CTNNA2: variants seen among roughly 807,000 people sequenced by gnomAD.
CTNNA2 encodes the protein catenin alpha 2.
In CTNNA2, 42 loss-of-function variants were observed where a neutral mutation model predicts 101.0. The ratio of observed to expected loss-of-function variants is 0.42; its 90% confidence interval spans 0.32 to 0.54. The LOEUF is 0.54. Ranked by LOEUF, CTNNA2 falls within the 20% of genes least tolerant of loss-of-function variation. The pLI, the probability that CTNNA2 is intolerant of heterozygous loss-of-function variation, is 0.14. For missense variants in CTNNA2, 871 were observed against 1,223.1 expected, an observed-to-expected ratio of 0.71 and a Z score of 4.29; for synonymous variants, 450 against 456.4, an observed-to-expected ratio of 0.99 and a Z score of 0.18.
chr2:79,443,057 T>C (rs914674320), intron 4 of CTNNA2, among the ~76,000 whole-genome samples: 1 of 152,168 alleles, frequency 6.6e-6, no homozygotes, highest in Non-Finnish European at 1.5e-5. Context: ...GGGAAGAATA[T>C]ATGTTCTATT....
intron 3 of CTNNA2, among the ~76,000 whole-genome samples, chr2:79,351,704 T>C (rs1677391977): frequency 2.0e-5 from 3 of 152,202 alleles, no homozygotes; most frequent in Admixed American, 2.0e-4. Flanking sequence ...TCTGTTTCTG[T>C]GTTAGTTCAC....
chr2:80,570,215 T>C (rs1221759100), intron 12 of CTNNA2, among the ~76,000 whole-genome samples: 1 of 151,998 alleles, frequency 6.6e-6, no homozygotes, highest in East Asian at 1.9e-4. Flanking sequence ...TGCCTGGCTA[T>C]GTTTTGTATT....
chr2:79,842,825 T>C (rs1679929989), intron 3 of CTNNA2, among the ~76,000 whole-genome samples: 1 of 152,158 alleles, frequency 6.6e-6, no homozygotes, highest in Non-Finnish European at 1.5e-5. Context: ...AAAAGACAGC[T>C]GTTATTGTAT....
intron 4 of CTNNA2, among the ~76,000 whole-genome samples, chr2:79,400,981 AACTAAG>A (rs1678284123): frequency 6.6e-6 from 1 of 151,956 alleles, no homozygotes; most frequent in Admixed American, 6.6e-5. Context: ...AAACACTATC[AACTAAG>A]ACTTCTGTGT....
intron 2 of CTNNA2, among the ~76,000 whole-genome samples, chr2:79,742,950 C>A (rs1199150673): frequency 6.6e-6 from 1 of 151,930 alleles, no homozygotes; most frequent in African/African-American, 2.4e-5. Context: ...TCCTTTTTTT[C>A]TTTCAGTGTT....
intron 7 of CTNNA2, among the ~76,000 whole-genome samples, chr2:80,172,377 A>G (rs1033389236): frequency 2.0e-5 from 3 of 152,102 alleles, no homozygotes; most frequent in Admixed American, 2.0e-4. Context: ...TGGCCAGACT[A>G]TGGGGTTTGT....
At chr2:79,250,101 G>A (rs187889171) in intron 2 of CTNNA2, among the ~76,000 whole-genome samples, 270 of 152,244 alleles carry the variant, frequency 1.8e-3, no homozygotes, top group Admixed American at 7.0e-3. Context: ...AAGCTGCCTA[G>A]TACTGCCACA....
chr2:80,529,792 A>T (rs1325248030), intron 9 of CTNNA2, among the ~76,000 whole-genome samples: 2 of 152,178 alleles, frequency 1.3e-5, no homozygotes, highest in Non-Finnish European at 2.9e-5. Context: ...CACGTAGCAG[A>T]TTGAAAGGTC....
At chr2:80,493,218 G>A (rs568722632) in intron 9 of CTNNA2, among the ~76,000 whole-genome samples, 10 of 152,276 alleles carry the variant, frequency 6.6e-5, no homozygotes, top group East Asian at 3.9e-4. Context: ...CCCAGTGACC[G>A]GGCCCATTTC....
chr2:79,440,851 A>G (rs556648866), intron 4 of CTNNA2, among the ~76,000 whole-genome samples: 94 of 152,284 alleles, frequency 6.2e-4, no homozygotes, highest in Non-Finnish European at 1.1e-3. Context: ...AGCATAGTCA[A>G]TTGTCCCTGT....
chr2:79,378,888 G>C (rs1433136215), intron 4 of CTNNA2, among the ~76,000 whole-genome samples: 1 of 152,060 alleles, frequency 6.6e-6, no homozygotes, highest in African/African-American at 2.4e-5. Context: ...GCACTGACCT[G>C]AAGGATACTT....
chr2:79,900,773 T>G (rs1480899221), intron 6 of CTNNA2, among the ~76,000 whole-genome samples: 1 of 152,132 alleles, frequency 6.6e-6, no homozygotes, highest in Non-Finnish European at 1.5e-5. Flanking sequence ...TAATTCATAA[T>G]ACATTTAAAA....
intron 8 of CTNNA2, among the ~76,000 whole-genome samples, chr2:80,407,419 A>G (rs1471741578): frequency 3.3e-5 from 5 of 152,246 alleles, no homozygotes; most frequent in Non-Finnish European, 7.3e-5. Context: ...GAAACCATCT[A>G]GAACAGGCAT....
intron 18 of CTNNA2, among the ~76,000 whole-genome samples, chr2:80,624,476 C>T (rs1268204273): frequency 6.6e-6 from 1 of 151,708 alleles, no homozygotes; most frequent in Non-Finnish European, 1.5e-5. Context: ...GGTAAAAGAC[C>T]TAAGGAGAGG....
At chr2:79,488,287 C>T (rs919021394) in intron 4 of CTNNA2, among the ~76,000 whole-genome samples, 5 of 135,358 alleles carry the variant, frequency 3.7e-5, no homozygotes, top group African/African-American at 1.1e-4. Flanking sequence ...CATTGAACTC[C>T]AGCCTGGGCA....
intron 1 of CTNNA2, chr2:79,514,719 T>G (rs1255856569): frequency 6.6e-6 from 1 of 152,204 alleles, no homozygotes; most frequent in Non-Finnish European, 1.5e-5. Flanking sequence ...ATGGATATTT[T>G]GAAGCCTATA....
intron 9 of CTNNA2, among the ~76,000 whole-genome samples, chr2:80,460,814 TA>T (rs1684362708): frequency 6.6e-6 from 1 of 152,182 alleles, no homozygotes; most frequent in Non-Finnish European, 1.5e-5. Flanking sequence ...TCTCAAACTT[TA>T]GCATGCATCA....
At chr2:79,967,540 A>G (rs1351555256) in intron 7 of CTNNA2, among the ~76,000 whole-genome samples, 1 of 152,210 alleles carries the variant, frequency 6.6e-6, no homozygotes, top group African/African-American at 2.4e-5. Context: ...ATGCACGTGA[A>G]AACATCCCAT....
chr2:79,688,318 A>G (rs1684072012), intron 2 of CTNNA2, among the ~76,000 whole-genome samples: 1 of 152,080 alleles, frequency 6.6e-6, no homozygotes, highest in African/African-American at 2.4e-5. Context: ...TAAAAGCTAC[A>G]TATATTGGAA....
Sources: allele counts gnomAD v4.1 joint callset (sites outside exome capture counted in the v4.1 genomes callset), GRCh38; gene constraint gnomAD v4.1.1; transcripts MANE v1.5; gene names NCBI Gene and HGNC (gene_info 2026-07-23, HGNC 2026-07-21).